The following GRIN3A variants were observed in gnomAD, a reference collection of about 807,000 sequenced individuals.
GRIN3A encodes glutamate receptor ionotropic, NMDA 3A.
In GRIN3A, 47 loss-of-function variants were observed where a neutral mutation model predicts 92.4. The observed-to-expected ratio is 0.51, with a 90% CI of 0.40 to 0.65. The LOEUF (loss-of-function observed/expected upper bound fraction) is 0.65. Ranked by LOEUF, GRIN3A falls within the 30% of genes least tolerant of loss-of-function variation. The pLI, the probability that GRIN3A is intolerant of heterozygous loss-of-function variation, is 0.00. For missense variants in GRIN3A, 1,324 were observed against 1,393.1 expected, an observed-to-expected ratio of 0.95 and a Z score of 0.79; for synonymous variants, 527 against 540.6, an observed-to-expected ratio of 0.97 and a Z score of 0.35.
chr9:101,687,070 G>C lies in GRIN3A; in HGVS notation c.830C>G (p.Thr277Ser). Reference sequence around the variant, plus strand: ...ATTCTGGGTAAGGAGGAGGAAGTCGGTGATGTTCCAGTCTTCCTGGCACAG... The same window carrying C: ...ATTCTGGGTAAGGAGGAGGAAGTCGCTGATGTTCCAGTCTTCCTGGCACAG... ...LLLCQEDWNI[T>S]DFLLLTQNNS... The change falls in exon 2 of 9, where the codon ACC (threonine) becomes AGC (serine). Residue 277 changes from threonine to serine, a missense_variant. Physicochemically the swap from Thr to Ser is moderately conservative, Grantham distance 58. Coordinates refer to ENST00000361820, the MANE Select transcript of GRIN3A (RefSeq NM_133445.3). 6.2e-7 allele frequency: 1 copy of C among 1,614,136 alleles called. No homozygotes were observed. The highest frequency in any genetic ancestry group is 1.1e-5 in the South Asian group (1 of 91,072).
intron 1 of GRIN3A, among the ~76,000 whole-genome samples, chr9:101,702,399 A>C (rs1046258544): frequency 1.4e-4 from 21 of 152,270 alleles, no homozygotes; most frequent in African/African-American, 4.6e-4. Flanking sequence ...AACAATCATC[A>C]ATGATCAATG....
intron 3 of GRIN3A, among the ~76,000 whole-genome samples, chr9:101,640,604 T>C (rs1828844428): frequency 6.6e-6 from 1 of 152,202 alleles, no homozygotes. Flanking sequence ...ATGGTTTGGC[T>C]GTGTCCCCAC....
chr9:101,675,233 A>AT (rs1004033261), intron 2 of GRIN3A, among the ~76,000 whole-genome samples: 9 of 152,066 alleles, frequency 5.9e-5, no homozygotes, highest in African/African-American at 2.2e-4. Context: ...TTACTAATGA[A>AT]TTTTTCTTTA....
At chr9:101,585,912 G>C (rs1473998623) in intron 6 of GRIN3A, among the ~76,000 whole-genome samples, 2 of 152,140 alleles carry the variant, frequency 1.3e-5, no homozygotes, top group African/African-American at 4.8e-5. Context: ...GGCCTCACAA[G>C]ATCTATTTCC....
At chr9:101,723,605 G>C (rs1347357763) in intron 1 of GRIN3A, among the ~76,000 whole-genome samples, 1 of 152,158 alleles carries the variant, frequency 6.6e-6, no homozygotes, top group Non-Finnish European at 1.5e-5. Context: ...CTGCTGATTG[G>C]TAGAGCCGAG....
intron 1 of GRIN3A, among the ~76,000 whole-genome samples, chr9:101,710,071 AT>A (rs1057514477): frequency 1.3e-5 from 2 of 152,070 alleles, no homozygotes; most frequent in African/African-American, 2.4e-5. Flanking sequence ...AATCTCAGTG[AT>A]TTTGGGGTCC....
chr9:101,669,656 T>C (rs1404785608), intron 3 of GRIN3A, among the ~76,000 whole-genome samples: 1 of 152,158 alleles, frequency 6.6e-6, no homozygotes, highest in Non-Finnish European at 1.5e-5. Flanking sequence ...ATTTAAAATA[T>C]GGATCTTCCA....
At chr9:101,645,933 G>A (rs1828932380) in intron 3 of GRIN3A, among the ~76,000 whole-genome samples, 4 of 150,950 alleles carry the variant, frequency 2.6e-5, no homozygotes, top group South Asian at 4.1e-4. Context: ...CTTTTGTTTT[G>A]GCTACAGAAT....
At chr9:101,693,228 AC>A (rs1829641831) in intron 1 of GRIN3A, among the ~76,000 whole-genome samples, 1 of 134,858 alleles carries the variant, frequency 7.4e-6, no homozygotes, top group African/African-American at 2.8e-5. Context: ...AGATGGTGAA[AC>A]CCCATCTCAG....
chr9:101,683,758 G>C (rs191311778), intron 2 of GRIN3A, among the ~76,000 whole-genome samples: 291 of 151,762 alleles, frequency 1.9e-3, no homozygotes, highest in African/African-American at 6.8e-3. Flanking sequence ...TTCTTTTACA[G>C]CTTCAAAGTT....
rs28736781 is a variant in GRIN3A, at chr9:101,693,698, T to G, written c.700-6498A>C. Among the ~76,000 whole-genome samples, 1,353 of 152,294 alleles carry G rather than the reference T, an allele frequency of 8.9e-3. 22 individuals carry two copies. The highest frequency in any genetic ancestry group is 0.031 in the African/African-American group (1,287 of 41,558). The stretch of plus-strand genomic sequence containing the variant: ...AGGGAGTCTCCAGCCTGCTGCCCAG[T>G]GTGCACATGGCTTCCCAGCTGTTTT... On this transcript the variant is annotated intron_variant, in intron 1 of 8. Coordinates refer to ENST00000361820, the MANE Select transcript of GRIN3A (RefSeq NM_133445.3).
intron 1 of GRIN3A, among the ~76,000 whole-genome samples, chr9:101,697,681 T>C (rs922047104): frequency 2.0e-5 from 3 of 152,092 alleles, no homozygotes; most frequent in Non-Finnish European, 4.4e-5. Context: ...CAGAAACCAA[T>C]TAGTGCACTT....
intron 4 of GRIN3A, among the ~76,000 whole-genome samples, chr9:101,627,241 A>T (rs1279168480): frequency 6.6e-6 from 1 of 152,216 alleles, no homozygotes; most frequent in East Asian, 1.9e-4. Flanking sequence ...GTGGCATTTC[A>T]TAATACTTAC....
intron 1 of GRIN3A, among the ~76,000 whole-genome samples, chr9:101,705,061 G>A (rs1380410307): frequency 1.3e-5 from 2 of 152,060 alleles, no homozygotes; most frequent in East Asian, 1.9e-4. Context: ...TAGGTCCCTG[G>A]CAAGGGTTCC....
At chr9:101,665,686 CA>C (rs1364722107) in intron 3 of GRIN3A, among the ~76,000 whole-genome samples, 1 of 151,700 alleles carries the variant, frequency 6.6e-6, no homozygotes, top group Non-Finnish European at 1.5e-5. Context: ...ACAAATGTCC[CA>C]AAAGAACCAC....
At chr9:101,595,121 A>C in intron 6 of GRIN3A, 1 of 585,540 alleles carries the variant, frequency 1.7e-6, no homozygotes, top group Non-Finnish European at 3.0e-6. Context: ...GAGGGAAAGA[A>C]GGAGGGAAAA....
chr9:101,593,978 C>T (rs1828071165), intron 6 of GRIN3A: 1 of 157,768 alleles, frequency 6.3e-6, no homozygotes, highest in Admixed American at 6.3e-5. Flanking sequence ...AGTTAACAAT[C>T]TGGCAAGATA....
intron 6 of GRIN3A, among the ~76,000 whole-genome samples, chr9:101,599,552 G>A (rs1828184132): frequency 6.6e-6 from 1 of 152,164 alleles, no homozygotes; most frequent in Admixed American, 6.5e-5. Context: ...GTGGATTGAT[G>A]TGGACTGTAG....
intron 6 of GRIN3A, among the ~76,000 whole-genome samples, chr9:101,582,218 GTCTA>G (rs1279794371): frequency 6.6e-6 from 1 of 152,206 alleles, no homozygotes; most frequent in Admixed American, 6.5e-5. Context: ...GCATAGGGAA[GTCTA>G]TCTGGGGGTC....
Sources: gnomAD v4.1 joint callset for allele counts (sites outside exome capture counted in the v4.1 genomes callset) on GRCh38, gnomAD v4.1.1 for gene constraint, MANE v1.5 for transcripts, NCBI Gene and HGNC (gene_info 2026-07-23, HGNC 2026-07-21) for gene names.